Variants in SMAD6 observed in about 807,000 individuals in gnomAD.
The protein encoded by SMAD6 is MAD homolog 6.
In SMAD6, 103 loss-of-function variants were observed where a neutral mutation model predicts 39.4. The ratio of observed to expected loss-of-function variants is 2.62; its 90% confidence interval spans 2.23 to 3.08. The LOEUF (loss-of-function observed/expected upper bound fraction) is 3.08. Ranked by LOEUF, SMAD6 falls within the 30% of genes most tolerant of loss-of-function variation. SMAD6 has a pLI of 0.00. For synonymous variants in SMAD6, 445 were observed against 353.3 expected (o/e 1.26, Z -2.91); for missense variants, 1,104 against 742.9 (o/e 1.49, Z -5.65).
intron 3 of SMAD6, among the ~76,000 whole-genome samples, chr15:66,759,336 A>AAGAGAG (rs5813403): frequency 6.7e-6 from 1 of 150,304 alleles, no homozygotes; most frequent in Admixed American, 6.6e-5. Flanking sequence ...GACAGAGAGG[A>AAGAGAG]AGAGAGAGAG....
At chr15:66,780,483 A>G (rs940951175) in intron 3 of SMAD6, among the ~76,000 whole-genome samples, 2 of 152,156 alleles carry the variant, frequency 1.3e-5, no homozygotes, top group South Asian at 2.1e-4. Context: ...AGTGGGTTCA[A>G]ATTCTGGCGG....
chr15:66,714,669 A>T (rs2140601233), intron 2 of SMAD6, among the ~76,000 whole-genome samples: 1 of 152,284 alleles, frequency 6.6e-6, no homozygotes, highest in South Asian at 2.1e-4. Flanking sequence ...CAACTTGCAG[A>T]TGGAGTTCTT....
chr15:66,767,968 T>C (rs1894317414), intron 3 of SMAD6, among the ~76,000 whole-genome samples: 1 of 137,352 alleles, frequency 7.3e-6, no homozygotes, highest in Non-Finnish European at 1.6e-5. Context: ...TCTTTTTTTT[T>C]TTTTTTTTTT....
chr15:66,764,175 A>T (rs1396020718), intron 3 of SMAD6, among the ~76,000 whole-genome samples: 3 of 152,254 alleles, frequency 2.0e-5, no homozygotes, highest in Non-Finnish European at 4.4e-5. Context: ...GGTCATGCAG[A>T]GATCTGCTTT....
chr15:66,703,410 A>G lies in SMAD6; in HGVS notation c.152A>G (p.Glu51Gly). 5 of 1,364,170 alleles carry G rather than the reference A, an allele frequency of 3.7e-6. No individual in the cohort carries two copies. The highest frequency in any genetic ancestry group is 4.7e-6 in the Non-Finnish European group (5 of 1,057,548). 84.5% of individuals were successfully genotyped at this position (1,364,170 alleles called of 1,614,324 possible). The change falls in exon 1 of 4, where the codon GAG becomes GGG. Residue 51 changes from glutamate to glycine, a missense_variant. By Grantham distance (98) the Glu-to-Gly change is moderately conservative. Transcript: ENST00000288840. ...SRAEPAPRAR[E>G]GGGCGRSEVR... ...GCTGAGCCGGCCCCGCGGGCAAGAG[A>G]GGGCGGAGGCTGCGGCCGCTCCGAA...
intron 3 of SMAD6, chr15:66,740,634 G>GT (rs1480159638): frequency 3.3e-5 from 5 of 152,312 alleles, no homozygotes; most frequent in African/African-American, 1.2e-4. Context: ...CAGGTGCTGA[G>GT]TACTGTGCTA....
chr15:66,765,889 C>T (rs186648847), intron 3 of SMAD6, among the ~76,000 whole-genome samples: 1 of 152,146 alleles, frequency 6.6e-6, no homozygotes, highest in Admixed American at 6.5e-5. Context: ...TCAAAAGTCC[C>T]GGCCTGCAAG....
At chr15:66,717,232 G>A in intron 3 of SMAD6, 1 of 902,512 alleles carries the variant, frequency 1.1e-6, no homozygotes, top group Non-Finnish European at 1.6e-6. Context: ...CTGGTGGCAT[G>A]CTGGCTGGGA....
At chr15:66,716,953 G>A (rs1463176123) in intron 3 of SMAD6, 1 of 1,283,846 alleles carries the variant, frequency 7.8e-7, no homozygotes, top group Non-Finnish European at 1.0e-6. Flanking sequence ...CTTGCAGGGA[G>A]GATCTGGCAA....
chr15:66,772,022 T>C (rs1229447791), intron 3 of SMAD6, among the ~76,000 whole-genome samples: 1 of 152,062 alleles, frequency 6.6e-6, no homozygotes, highest in African/African-American at 2.4e-5. Flanking sequence ...CGTGGGGCAG[T>C]GTCGTTAGCA....
intron 3 of SMAD6, among the ~76,000 whole-genome samples, chr15:66,772,279 G>A (rs556518562): frequency 6.6e-6 from 1 of 152,294 alleles, no homozygotes; most frequent in African/African-American, 2.4e-5. Context: ...GTATGTTTCC[G>A]GACTTTCAGG....
chr15:66,722,818 A>T (rs540565118), intron 3 of SMAD6, among the ~76,000 whole-genome samples: 1 of 151,904 alleles, frequency 6.6e-6, no homozygotes, highest in Non-Finnish European at 1.5e-5. Flanking sequence ...GTCCTGGGGG[A>T]ACAGACAGCT....
At chr15:66,713,649 C>G (rs1347716127) in intron 2 of SMAD6, among the ~76,000 whole-genome samples, 1 of 152,188 alleles carries the variant, frequency 6.6e-6, no homozygotes, top group African/African-American at 2.4e-5. Context: ...CGTAGACACT[C>G]AGGCATATCC....
At chr15:66,723,527 A>G (rs2140615415) in intron 3 of SMAD6, among the ~76,000 whole-genome samples, 1 of 152,168 alleles carries the variant, frequency 6.6e-6, no homozygotes, top group Middle Eastern at 3.4e-3. Context: ...AAAAATTTAA[A>G]AATTGGCTGG....
chr15:66,745,933 T>C (rs1303093234), intron 3 of SMAD6, among the ~76,000 whole-genome samples: 1 of 152,168 alleles, frequency 6.6e-6, no homozygotes, highest in Non-Finnish European at 1.5e-5. Context: ...CCTCCCTCCC[T>C]TGTCCCCACT....
intron 2 of SMAD6, 89 bp from the exon 3 acceptor site, chr15:66,716,332 G>C: frequency 1.1e-6 from 1 of 916,632 alleles, no homozygotes; most frequent in Non-Finnish European, 1.8e-6. Flanking sequence ...ATCCACACAC[G>C]TGCACATGTA....
At chr15:66,762,086 C>G (rs1055914371) in intron 3 of SMAD6, among the ~76,000 whole-genome samples, 1 of 152,190 alleles carries the variant, frequency 6.6e-6, no homozygotes, top group African/African-American at 2.4e-5. Context: ...TGTTCTTCTT[C>G]CAGTCTGAGG....
chr15:66,703,880 G>T lies in SMAD6; in HGVS notation c.622G>T (p.Val208Leu). 1.5e-6 allele frequency: 2 copies of T among 1,319,372 alleles called. No homozygotes were observed. Among genetic ancestry groups the T allele is most frequent in the Non-Finnish European group, 9.7e-7 (1 of 1,032,362 alleles). The allele number at this position is 1,319,372 out of a possible 1,614,324, so 81.7% of individuals were successfully genotyped here. A position where few individuals can be genotyped will look rare whatever the true frequency, so the allele number is the denominator to read the frequency against. The change falls in exon 1 of 4, where the codon GTG (valine) becomes TTG (leucine). Residue 208 changes from valine to leucine, a missense_variant. Val to Leu is a conservative substitution (Grantham distance 32, BLOSUM62 1). Transcript: ENST00000288840. ...CGGCGTGCCGGGCGGCTGCGTGCTG[G>T]TGCCGCGCGCCGACCTCCGCCTGGG... ...RGGVPGGCVL[V>L]PRADLRLGGQ...
In SMAD6 at chr15:66,741,443, T is replaced by C. The variant is rs1893814078; in HGVS notation, c.952+24945T>C. ...GTTTCATTAGGCTCCTACAGGAACT[T>C]TGGGTCCTTTTCCTGCTCCTGGCCT... On this transcript the variant is annotated intron_variant, in intron 3 of 3. Coordinates refer to ENST00000288840, the MANE Select transcript of SMAD6 (RefSeq NM_005585.5). Among the ~76,000 whole-genome samples the C allele has an allele frequency of 2.0e-5, 3 of 152,310 alleles. No individual in the cohort carries two copies. In the South Asian group the frequency reaches 6.2e-4, roughly 32 times the overall value.
Sources: allele counts gnomAD v4.1 joint callset (sites outside exome capture counted in the v4.1 genomes callset), GRCh38; gene constraint gnomAD v4.1.1; transcripts MANE v1.5; gene names NCBI Gene and HGNC (gene_info 2026-07-23, HGNC 2026-07-21).